The following HDAC9 variants were observed in gnomAD, a reference collection of about 807,000 sequenced individuals.
HDAC9 encodes the protein MEF-2 interacting transcription repressor (MITR) protein.
Under a neutral mutation model 139.4 loss-of-function variants are expected in HDAC9, and 41 were observed. The ratio of observed to expected loss-of-function variants is 0.29; its 90% CI spans 0.23 to 0.38. HDAC9 has a LOEUF of 0.38. HDAC9 is among the 10% of genes least tolerant of loss of function. The probability of loss-of-function intolerance (pLI) is 1.00; values close to 1 mark genes in which losing one functional copy is unlikely to be tolerated. For missense variants in HDAC9, 1,147 were observed against 1,297.0 expected, an observed-to-expected ratio of 0.88 and a Z score of 1.78; for synonymous variants, 517 against 476.2, an observed-to-expected ratio of 1.09 and a Z score of -1.12.
chr7:18,546,847 G>A (rs1050392406), intron 2 of HDAC9, among the ~76,000 whole-genome samples: 1 of 152,124 alleles, frequency 6.6e-6, no homozygotes, highest in African/African-American at 2.4e-5. Flanking sequence ...ATTTGCAATG[G>A]TCTGTCCTGA....
intron 1 of HDAC9, among the ~76,000 whole-genome samples, chr7:18,423,498 C>G (rs181778250): frequency 6.6e-6 from 1 of 152,316 alleles, no homozygotes; most frequent in African/African-American, 2.4e-5. Context: ...TTTTCATTTT[C>G]TATAGGTCTG....
chr7:18,564,247 A>T (rs999534712), intron 2 of HDAC9, among the ~76,000 whole-genome samples: 4 of 152,224 alleles, frequency 2.6e-5, no homozygotes, highest in Non-Finnish European at 1.5e-5. Context: ...ATTGAAAAAA[A>T]AAAATTGTCC....
chr7:18,827,485 G>T (rs886094167), intron 17 of HDAC9, among the ~76,000 whole-genome samples: 1 of 151,932 alleles, frequency 6.6e-6, no homozygotes, highest in Non-Finnish European at 1.5e-5. Context: ...AGCATTTAGC[G>T]TACCCCCCTC....
At chr7:18,144,757 C>G (rs1224664593) in intron 1 of HDAC9, among the ~76,000 whole-genome samples, 1 of 152,186 alleles carries the variant, frequency 6.6e-6, no homozygotes, top group African/African-American at 2.4e-5. Flanking sequence ...TCCATCTCCT[C>G]TCCAGCCATC....
chr7:18,143,083 C>T (rs1044745160), intron 1 of HDAC9, among the ~76,000 whole-genome samples: 57 of 152,246 alleles, frequency 3.7e-4, no homozygotes, highest in African/African-American at 1.3e-3. Context: ...AAACTCCATC[C>T]CCTGCTGCTT....
intron 13 of HDAC9, among the ~76,000 whole-genome samples, chr7:18,735,545 A>G (rs1786803661): frequency 6.6e-6 from 1 of 152,148 alleles, no homozygotes; most frequent in Non-Finnish European, 1.5e-5. Context: ...AGATGTTTGT[A>G]GATGTGTGGT....
chr7:18,287,929 A>C (rs989407364), upstream of HDAC9, among the ~76,000 whole-genome samples: 1 of 152,254 alleles, frequency 6.6e-6, no homozygotes, highest in Non-Finnish European at 1.5e-5. Flanking sequence ...TTGGGTAGTC[A>C]TATAGGTGAA....
At chr7:18,718,300 T>C (rs552592887) in intron 12 of HDAC9, among the ~76,000 whole-genome samples, 19 of 152,230 alleles carry the variant, frequency 1.2e-4, no homozygotes, top group Non-Finnish European at 2.2e-4. Context: ...GGCGCGATGT[T>C]GGCTCACTGC....
At chr7:18,136,497 G>C (rs1467070345) in intron 1 of HDAC9, among the ~76,000 whole-genome samples, 3 of 152,170 alleles carry the variant, frequency 2.0e-5, no homozygotes, top group Non-Finnish European at 4.4e-5. Context: ...GGAAGGAAGG[G>C]ATCCAGTTTC....
chr7:18,356,706 T>C (rs1053234830), intron 1 of HDAC9, among the ~76,000 whole-genome samples: 1 of 152,092 alleles, frequency 6.6e-6, no homozygotes, highest in Non-Finnish European at 1.5e-5. Context: ...TATTTGCACA[T>C]GGGGGAGGGT....
At chr7:18,724,851 T>C (rs1275877249) in intron 12 of HDAC9, among the ~76,000 whole-genome samples, 1 of 152,140 alleles carries the variant, frequency 6.6e-6, no homozygotes, top group Non-Finnish European at 1.5e-5. Flanking sequence ...AAGAAATAGT[T>C]ACTGCATGCA....
At chr7:18,413,633 T>G (rs987371476) in intron 1 of HDAC9, among the ~76,000 whole-genome samples, 6 of 152,150 alleles carry the variant, frequency 3.9e-5, no homozygotes, top group African/African-American at 1.4e-4. Context: ...AATTCTTACT[T>G]TATACAATTT....
Position 18,393,349 on chromosome 7 carries a change from G to A in HDAC9, c.-42+102834G>A, listed in dbSNP as rs149842868. On this transcript the variant is annotated intron_variant, in intron 1 of 3. Coordinates refer to the HDAC9 transcript ENST00000413509. ...ATAATCTTGACCAGATAGGATCAGG[G>A]AGGTTCTTTTCAAGATGGATTAGAC... Among the ~76,000 whole-genome samples the A allele has an allele frequency of 5.8e-3, 882 of 152,242 alleles. 9 individuals are homozygous for A. Among genetic ancestry groups the A allele is most frequent in the African/African-American group, 0.02 (836 of 41,530 alleles).
At chr7:18,513,605 T>C (rs914228133) in intron 2 of HDAC9, among the ~76,000 whole-genome samples, 1 of 152,158 alleles carries the variant, frequency 6.6e-6, no homozygotes, top group Non-Finnish European at 1.5e-5. Context: ...GTTCTCAGAA[T>C]AAAGGCCACT....
At chr7:18,526,373 C>A (rs1417432363) in intron 2 of HDAC9, among the ~76,000 whole-genome samples, 1 of 152,040 alleles carries the variant, frequency 6.6e-6, no homozygotes, top group African/African-American at 2.4e-5. Context: ...ATAAAGATAG[C>A]AAAATACTAA....
intron 23 of HDAC9, among the ~76,000 whole-genome samples, chr7:18,943,255 A>G (rs192532918): frequency 2.0e-5 from 3 of 152,194 alleles, no homozygotes; most frequent in African/African-American, 7.2e-5. Context: ...TGCACTTTTC[A>G]ACATATGTAG....
At chr7:18,290,616 G>A in intron 1 of HDAC9, 1 of 440,772 alleles carries the variant, frequency 2.3e-6, no homozygotes, top group Non-Finnish European at 4.6e-6. Flanking sequence ...TAACTTGTAG[G>A]CTGTGGAAAG....
intron 17 of HDAC9, among the ~76,000 whole-genome samples, chr7:18,802,004 G>A (rs1793337085): frequency 6.6e-6 from 1 of 151,742 alleles, no homozygotes; most frequent in African/African-American, 2.4e-5. Flanking sequence ...TTCCTGTAGA[G>A]CAAACTTTGG....
intron 1 of HDAC9, chr7:18,429,104 C>A (rs1172412029): frequency 1.3e-5 from 2 of 152,228 alleles, no homozygotes; most frequent in African/African-American, 4.8e-5. Flanking sequence ...TTATCACCAA[C>A]TAGCAAGGCT....
Sources: allele counts gnomAD v4.1 joint callset (sites outside exome capture counted in the v4.1 genomes callset), GRCh38; gene constraint gnomAD v4.1.1; transcripts MANE v1.5; gene names NCBI Gene and HGNC (gene_info 2026-07-23, HGNC 2026-07-21).